Variants in TRIM44 observed in about 807,000 individuals in gnomAD.
TRIM44 encodes tripartite motif-containing protein 44.
A neutral mutation model predicts 37.4 loss-of-function variants in TRIM44; 13 were observed. That is an observed-to-expected ratio of 0.35 (90% CI 0.23 to 0.55). TRIM44 has a LOEUF of 0.55. Among genes scored for constraint, TRIM44 ranks in the 20% least tolerant of loss-of-function variants. The probability of loss-of-function intolerance (pLI) is 0.89; values close to 1 mark genes in which losing one functional copy is unlikely to be tolerated. For missense variants in TRIM44, 426 were observed against 437.2 expected (o/e 0.97, Z 0.23); for synonymous variants, 175 against 157.2 (o/e 1.11, Z -0.85).
intron 4 of TRIM44, 117 bp from the exon 5 acceptor site, chr11:35,806,241 T>C (rs1387312905): frequency 9.1e-7 from 1 of 1,098,692 alleles, no homozygotes; most frequent in African/African-American, 1.6e-5. Context: ...TCAATCATGG[T>C]AGTTAAGACT....
intron 2 of TRIM44, among the ~76,000 whole-genome samples, chr11:35,704,208 G>GA (rs1851841014): frequency 6.6e-6 from 1 of 152,086 alleles, no homozygotes; most frequent in Non-Finnish European, 1.5e-5. Flanking sequence ...GAAGTTTAGA[G>GA]AAAAAAGAAT....
In TRIM44 at chr11:35,811,925, G is replaced by A. The variant is rs1300182329; in HGVS notation, c.*5540G>A. ...TAAAGCCCAGGACAGCAGACTCTCT[G>A]TCTCCGAGAGCAATCATTAGGCCCT... On this transcript the variant is annotated 3_prime_UTR_variant, in exon 5 of 5. Coordinates refer to ENST00000299413, the MANE Select transcript of TRIM44 (RefSeq NM_017583.6). The A allele has an allele frequency of 6.6e-6, 1 of 152,226 alleles. No individual in the cohort carries two copies. 9.4% of individuals were successfully genotyped at this position (152,226 alleles called of 1,614,324 possible).
At chr11:35,765,964 T>C (rs1852793659) in intron 4 of TRIM44, among the ~76,000 whole-genome samples, 1 of 152,190 alleles carries the variant, frequency 6.6e-6, no homozygotes, top group African/African-American at 2.4e-5. Flanking sequence ...AAGGATATGG[T>C]ACATTTCATA....
intron 4 of TRIM44, among the ~76,000 whole-genome samples, chr11:35,791,454 C>A (rs1042473210): frequency 1.8e-4 from 27 of 151,950 alleles, no homozygotes; most frequent in African/African-American, 6.3e-4. Flanking sequence ...CCCTTCTCAC[C>A]TCCTGTTCTT....
intron 2 of TRIM44, among the ~76,000 whole-genome samples, chr11:35,708,461 A>G (rs1262996611): frequency 5.5e-4 from 83 of 152,122 alleles, no homozygotes; most frequent in South Asian, 8.3e-4. Context: ...ACACATGCAC[A>G]TGTATGTTTA....
intron 1 of TRIM44, among the ~76,000 whole-genome samples, chr11:35,676,207 A>G (rs1851459025): frequency 6.6e-6 from 1 of 152,184 alleles, no homozygotes; most frequent in African/African-American, 2.4e-5. Flanking sequence ...TCATAGATGT[A>G]AAGAGTTTAG....
At chr11:35,706,450 A>G (rs1293097395) in intron 2 of TRIM44, among the ~76,000 whole-genome samples, 1 of 152,200 alleles carries the variant, frequency 6.6e-6, no homozygotes, top group African/African-American at 2.4e-5. Context: ...CCGGGCAGAG[A>G]TACAACCAAA....
intron 4 of TRIM44, among the ~76,000 whole-genome samples, chr11:35,754,471 A>G (rs937171145): frequency 2.6e-5 from 4 of 151,926 alleles, no homozygotes; most frequent in African/African-American, 9.7e-5. Flanking sequence ...TCTTCCATGA[A>G]TCCGTCTTTG....
chr11:35,664,261 G>A (rs938019256), intron 1 of TRIM44, among the ~76,000 whole-genome samples: 2 of 152,182 alleles, frequency 1.3e-5, no homozygotes, highest in Admixed American at 1.3e-4. Flanking sequence ...CTTCATATGT[G>A]CCCCGAGTTC....
intron 3 of TRIM44, among the ~76,000 whole-genome samples, chr11:35,726,819 G>A (rs998776496): frequency 7.2e-5 from 11 of 151,810 alleles, no homozygotes; most frequent in Non-Finnish European, 1.5e-5. Context: ...ACATATTTAG[G>A]CATTTTGAAT....
chr11:35,767,874 T>C (rs1852818110), intron 4 of TRIM44, among the ~76,000 whole-genome samples: 1 of 152,218 alleles, frequency 6.6e-6, no homozygotes. Flanking sequence ...CACTAAATGG[T>C]GCCTATAGTG....
At chr11:35,780,298 G>T (rs1328897187) in intron 4 of TRIM44, among the ~76,000 whole-genome samples, 1 of 152,128 alleles carries the variant, frequency 6.6e-6, no homozygotes, top group South Asian at 2.1e-4. Context: ...TTGATGTAAG[G>T]TTAAGAAGAG....
At chr11:35,720,416 CTT>C (rs563665257) in intron 2 of TRIM44, among the ~76,000 whole-genome samples, 1 of 137,240 alleles carries the variant, frequency 7.3e-6, no homozygotes, top group African/African-American at 2.6e-5. Context: ...AGGTTTTTTT[CTT>C]TTTTTTTTTT....
At chr11:35,690,704 T>C (rs1429801072) in intron 2 of TRIM44, among the ~76,000 whole-genome samples, 2 of 152,236 alleles carry the variant, frequency 1.3e-5, no homozygotes, top group Non-Finnish European at 2.9e-5. Context: ...TCATGAGTTA[T>C]ATTTATTTTA....
chr11:35,772,156 C>A lies in TRIM44; in HGVS notation c.1008-34202C>A, dbSNP rs1852881745. ...CCACATGGTGTTGAGCCTGTGAGTG[C>A]ACAGAAGTCAAGAACTAAAGTTTGA... On this transcript the variant is annotated intron_variant, in intron 4 of 4. Transcript: ENST00000299413. Among the ~76,000 whole-genome samples the A allele has an allele frequency of 2.0e-5, 3 of 152,350 alleles. No individual in the cohort carries two copies. In the South Asian group the frequency reaches 6.2e-4, roughly 32 times the overall value.
At chr11:35,788,178 A>G (rs929241790) in intron 4 of TRIM44, among the ~76,000 whole-genome samples, 3 of 152,282 alleles carry the variant, frequency 2.0e-5, no homozygotes, top group Admixed American at 6.5e-5. Flanking sequence ...TCTCTGTAGG[A>G]TGGAGTGGTC....
At chr11:35,767,065 G>A (rs1323302952) in intron 4 of TRIM44, among the ~76,000 whole-genome samples, 1 of 152,148 alleles carries the variant, frequency 6.6e-6, no homozygotes, top group Non-Finnish European at 1.5e-5. Context: ...TGGTGCTCTG[G>A]CTCTCAGACT....
intron 4 of TRIM44, among the ~76,000 whole-genome samples, chr11:35,749,349 T>C (rs2135528900): frequency 6.6e-6 from 1 of 152,308 alleles, no homozygotes; most frequent in South Asian, 2.1e-4. Context: ...ACCCAGTCCT[T>C]CTGGCTGGTA....
At chr11:35,704,021 A>T (rs1851837209) in intron 2 of TRIM44, among the ~76,000 whole-genome samples, 1 of 152,102 alleles carries the variant, frequency 6.6e-6, no homozygotes, top group African/African-American at 2.4e-5. Context: ...AAAAAAATTT[A>T]GACGAATGTA....
Sources: gnomAD v4.1 joint callset for allele counts (sites outside exome capture counted in the v4.1 genomes callset) on GRCh38, gnomAD v4.1.1 for gene constraint, MANE v1.5 for transcripts, NCBI Gene and HGNC (gene_info 2026-07-23, HGNC 2026-07-21) for gene names.